The following PRKG1 variants were observed in gnomAD, a reference collection of about 807,000 sequenced individuals.
The protein encoded by PRKG1 is cGMP-dependent protein kinase 1.
A neutral mutation model predicts 88.1 loss-of-function variants in PRKG1; 35 were observed. The ratio of observed to expected loss-of-function variants is 0.40; its 90% CI spans 0.30 to 0.53. PRKG1 has a LOEUF of 0.53. PRKG1 is among the 20% of genes least tolerant of loss of function. PRKG1 has a pLI of 0.59. For missense variants in PRKG1, 540 were observed against 839.8 expected, an observed-to-expected ratio of 0.64 and a Z score of 4.41; for synonymous variants, 303 against 292.5, an observed-to-expected ratio of 1.04 and a Z score of -0.37.
At chr10:51,540,135 C>G (rs1466666406) in intron 3 of PRKG1, among the ~76,000 whole-genome samples, 1 of 152,108 alleles carries the variant, frequency 6.6e-6, no homozygotes, top group Admixed American at 6.6e-5. Context: ...GGCTGAGATA[C>G]CATGGTACAT....
Position 52,192,196 on chromosome 10 carries a change from C to T in PRKG1, c.1076+30233C>T, listed in dbSNP as rs192576863. Among the ~76,000 whole-genome samples, 781 of 152,170 alleles carry T rather than the reference C, an allele frequency of 5.1e-3. 3 individuals are homozygous for T. Among genetic ancestry groups the T allele is most frequent in the African/African-American group, 7.4e-3 (307 of 41,538 alleles). On this transcript the variant is annotated intron_variant, in intron 9 of 17. Coordinates refer to ENST00000373980, the MANE Select transcript of PRKG1 (RefSeq NM_006258.4). ...TCTTTAGGTTGGTTCCTTGTTTCTT[C>T]TTGATACAGCCTGTTAGTTGCCAGT... is the stretch of plus-strand genomic sequence containing the variant.
intron 2 of PRKG1, among the ~76,000 whole-genome samples, chr10:51,262,097 A>G (rs1306925705): frequency 1.3e-5 from 2 of 151,824 alleles, no homozygotes; most frequent in Admixed American, 1.3e-4. Context: ...TGTGTTAGCC[A>G]GGATGGTCTC....
At chr10:51,097,276 G>T (rs533546017) in intron 1 of PRKG1, among the ~76,000 whole-genome samples, 2 of 152,258 alleles carry the variant, frequency 1.3e-5, no homozygotes, top group East Asian at 3.9e-4. Flanking sequence ...CTGGAATGAT[G>T]CAGTAGCATG....
Position 52,272,419 on chromosome 10 carries a change from A to G in PRKG1, c.1341A>G (p.Lys447=). ...VRLYRTFKDS[K]YLYMLMEACL... ...TGTACAGAACATTTAAGGACAGCAA[A>G]TATTTGTATATGTTGATGGAAGCTT... is the stretch of plus-strand genomic sequence containing the variant. The change falls in exon 12 of 18, where the codon AAA becomes AAG. Residue 447 remains lysine, a synonymous_variant. Transcript: ENST00000373980. 1 of 1,610,126 alleles carries G rather than the reference A, an allele frequency of 6.2e-7. No homozygotes were observed.
chr10:51,700,459 A>C (rs892755976), intron 3 of PRKG1, among the ~76,000 whole-genome samples: 1 of 152,228 alleles, frequency 6.6e-6, no homozygotes, highest in Non-Finnish European at 1.5e-5. Flanking sequence ...ATTGGTTCTG[A>C]TTTTTATTAT....
At chr10:51,115,549 AAAG>A (rs1845100467) in intron 1 of PRKG1, among the ~76,000 whole-genome samples, 1 of 150,226 alleles carries the variant, frequency 6.7e-6, no homozygotes, top group Non-Finnish European at 1.5e-5. Context: ...TAAGAATGAT[AAAG>A]AAGAAGGCTG....
chr10:51,407,304 T>C (rs1464196035), intron 2 of PRKG1, among the ~76,000 whole-genome samples: 1 of 99,072 alleles, frequency 1.0e-5, no homozygotes, highest in Non-Finnish European at 2.4e-5. Flanking sequence ...GAGACAATAA[T>C]GTCATAATTA....
intron 2 of PRKG1, among the ~76,000 whole-genome samples, chr10:51,181,267 C>G (rs1589224868): frequency 8.4e-6 from 1 of 119,068 alleles, no homozygotes; most frequent in Non-Finnish European, 1.6e-5. Context: ...CGGAGTCTCG[C>G]TCTGTCGCCC....
intron 4 of PRKG1, among the ~76,000 whole-genome samples, chr10:51,812,541 C>G (rs1839483408): frequency 6.6e-6 from 1 of 152,158 alleles, no homozygotes; most frequent in Non-Finnish European, 1.5e-5. Context: ...ATTCAGAAAG[C>G]TGCAGTGGAT....
chr10:51,537,807 T>G (rs1003599462), intron 3 of PRKG1, among the ~76,000 whole-genome samples: 2 of 151,974 alleles, frequency 1.3e-5, no homozygotes, highest in Non-Finnish European at 2.9e-5. Flanking sequence ...GGGAGTATTC[T>G]TTAATTGTTC....
intron 3 of PRKG1, among the ~76,000 whole-genome samples, chr10:51,651,232 C>G (rs761595712): frequency 1.3e-5 from 2 of 152,172 alleles, no homozygotes; most frequent in African/African-American, 2.4e-5. Flanking sequence ...TATTCAAAGG[C>G]TTTCACAATC....
At chr10:51,992,536 C>G (rs1045340558) in intron 5 of PRKG1, among the ~76,000 whole-genome samples, 1 of 151,970 alleles carries the variant, frequency 6.6e-6, no homozygotes, top group African/African-American at 2.4e-5. Flanking sequence ...AGCTTTATGT[C>G]TCTGGGTAAC....
At chr10:51,737,732 TATTTATTA>T (rs1448054605) in intron 3 of PRKG1, among the ~76,000 whole-genome samples, 51 of 106,664 alleles carry the variant, frequency 4.8e-4, no homozygotes, top group East Asian at 4.3e-3. Flanking sequence ...TTTATTTATT[TATTTATTA>T]ATTATTATTA....
chr10:51,238,279 T>A (rs545559481), intron 2 of PRKG1, among the ~76,000 whole-genome samples: 67 of 152,252 alleles, frequency 4.4e-4, no homozygotes, highest in African/African-American at 1.5e-3. Flanking sequence ...TAGACCATTT[T>A]GTGCCTATTT....
chr10:51,975,657 C>T (rs1180955397), intron 5 of PRKG1, among the ~76,000 whole-genome samples: 2 of 151,932 alleles, frequency 1.3e-5, no homozygotes, highest in African/African-American at 4.8e-5. Context: ...TGTTTTCTAC[C>T]TGAGTCAGGT....
At chr10:51,516,770 A>G (rs10997890) in intron 3 of PRKG1, among the ~76,000 whole-genome samples, 45,891 of 152,176 alleles carry the variant, frequency 0.3, 7,811 homozygotes, top group East Asian at 0.8. Flanking sequence ...ATGATTTTTG[A>G]CTTTCCATTA....
intron 2 of PRKG1, among the ~76,000 whole-genome samples, chr10:51,343,535 A>G (rs921417341): frequency 1.3e-5 from 2 of 152,164 alleles, no homozygotes; most frequent in African/African-American, 2.4e-5. Flanking sequence ...TATTTGGTAT[A>G]AAAAGCATAT....
At chr10:51,126,291 A>C (rs1230050638) in intron 1 of PRKG1, among the ~76,000 whole-genome samples, 1 of 60,108 alleles carries the variant, frequency 1.7e-5, no homozygotes, top group African/African-American at 6.1e-5. Context: ...ATATTTATAT[A>C]TAAATATTTA....
At chr10:51,838,532 G>T (rs1281979304) in intron 4 of PRKG1, among the ~76,000 whole-genome samples, 1 of 152,172 alleles carries the variant, frequency 6.6e-6, no homozygotes. Flanking sequence ...TTTTTAAAGG[G>T]AGCTTCCTTT....
Sources: gnomAD v4.1 joint callset for allele counts (sites outside exome capture counted in the v4.1 genomes callset) on GRCh38, gnomAD v4.1.1 for gene constraint, MANE v1.5 for transcripts, NCBI Gene and HGNC (gene_info 2026-07-23, HGNC 2026-07-21) for gene names.